ANTXR2: variants seen among roughly 807,000 people sequenced by gnomAD.
ANTXR2 encodes the protein anthrax toxin receptor 2.
In ANTXR2, 44 loss-of-function variants were observed where a neutral mutation model predicts 73.7. That is an observed-to-expected ratio of 0.60 (90% confidence interval 0.47 to 0.77). ANTXR2 has a LOEUF of 0.77. Ranked by LOEUF, ANTXR2 falls within the 30% of genes least tolerant of loss-of-function variation. The pLI is 0.00. For synonymous variants in ANTXR2, 217 were observed against 205.9 expected, an observed-to-expected ratio of 1.05 and a Z score of -0.46; for missense variants, 604 against 592.5, an observed-to-expected ratio of 1.02 and a Z score of -0.20.
chr4:79,915,674 G>C (rs1727313465), intron 16 of ANTXR2, among the ~76,000 whole-genome samples: 1 of 151,834 alleles, frequency 6.6e-6, no homozygotes, highest in South Asian at 2.1e-4. Context: ...CAAATCAAGA[G>C]GTCCAGGAAA....
chr4:80,033,699 T>C (rs1045443620), intron 8 of ANTXR2, 129 bp from the exon 9 acceptor site: 22 of 655,454 alleles, frequency 3.4e-5, no homozygotes, highest in Admixed American at 2.2e-4. Context: ...CTAATAGCAA[T>C]GAAGACATAG....
intron 11 of ANTXR2, among the ~76,000 whole-genome samples, chr4:80,016,216 A>AATTCGGTTT (rs1448639554): frequency 6.6e-6 from 1 of 152,054 alleles, no homozygotes; most frequent in Non-Finnish European, 1.5e-5. Context: ...CTCTAAATTC[A>AATTCGGTTT]ATTCGGTTTC....
At chr4:80,030,126 A>G (rs1388518818) in intron 10 of ANTXR2, among the ~76,000 whole-genome samples, 1 of 152,070 alleles carries the variant, frequency 6.6e-6, no homozygotes, top group Non-Finnish European at 1.5e-5. Flanking sequence ...TGGTAGCAGT[A>G]TAGGTAGAAA....
chr4:80,019,182 C>T (rs1384220196), intron 10 of ANTXR2, among the ~76,000 whole-genome samples: 1 of 152,020 alleles, frequency 6.6e-6, no homozygotes, highest in African/African-American at 2.4e-5. Context: ...GCATGGCCAA[C>T]ATAGTGAAAC....
intron 3 of ANTXR2, among the ~76,000 whole-genome samples, chr4:80,056,821 T>C (rs1257256386): frequency 6.6e-6 from 1 of 151,890 alleles, no homozygotes; most frequent in East Asian, 1.9e-4. Flanking sequence ...TAAGAGCTAT[T>C]TTATGTGTAT....
chr4:79,921,755 G>T (rs66805075), intron 16 of ANTXR2, among the ~76,000 whole-genome samples: 752 of 29,304 alleles, frequency 0.026, no homozygotes, highest in Non-Finnish European at 0.045. Flanking sequence ...TTTGTTTGTT[G>T]GTTGGTTGGT....
intron 12 of ANTXR2, among the ~76,000 whole-genome samples, chr4:79,994,888 T>C (rs910241839): frequency 6.6e-6 from 1 of 151,980 alleles, no homozygotes; most frequent in African/African-American, 2.4e-5. Flanking sequence ...TTCTCATTGT[T>C]AAAATGCCTC....
rs1223580730 is a variant in ANTXR2, at chr4:79,984,730, T to C, written c.1086+89A>G. 6 of 1,120,682 alleles carry C rather than the reference T, an allele frequency of 5.4e-6. No individual in the cohort carries two copies. The South Asian group carries it at 6.7e-5, about 12-fold the overall frequency. The allele number at this position is 1,120,682 out of a possible 1,614,324, so 69.4% of individuals were successfully genotyped here. ...AGTCAGTACATAGGTATCATAGTTA[T>C]CTAACAGACAAAATTGATTAAATTT... On this transcript the variant is annotated intron_variant, in intron 13 of 16. Coordinates refer to ENST00000403729, the MANE Select transcript of ANTXR2 (RefSeq NM_058172.6).
At chr4:79,926,953 A>G (rs1727821716) in intron 16 of ANTXR2, among the ~76,000 whole-genome samples, 1 of 20,322 alleles carries the variant, frequency 4.9e-5, no homozygotes, top group Non-Finnish European at 1.1e-4. Flanking sequence ...GTGTATATAT[A>G]CGTGTGCATA....
chr4:79,963,322 T>C (rs984655392), intron 16 of ANTXR2, among the ~76,000 whole-genome samples: 1 of 152,112 alleles, frequency 6.6e-6, no homozygotes, highest in African/African-American at 2.4e-5. Flanking sequence ...GATTCTCGGG[T>C]CCCTTTTAAA....
chr4:79,990,963 A>C (rs1730440081), intron 12 of ANTXR2, among the ~76,000 whole-genome samples: 1 of 152,054 alleles, frequency 6.6e-6, no homozygotes, highest in Non-Finnish European at 1.5e-5. Context: ...ACCAGCTCAA[A>C]ATGAATTAAA....
At chr4:80,026,611 T>C (rs1207595559) in intron 10 of ANTXR2, among the ~76,000 whole-genome samples, 1 of 152,110 alleles carries the variant, frequency 6.6e-6, no homozygotes, top group Non-Finnish European at 1.5e-5. Context: ...CTAAATAATT[T>C]AGTAGAATTA....
chr4:79,943,492 A>G (rs1728391242), intron 16 of ANTXR2, among the ~76,000 whole-genome samples: 1 of 53,426 alleles, frequency 1.9e-5, no homozygotes, highest in African/African-American at 7.6e-5. Context: ...AGAACAAAAA[A>G]CCAAACACCG....
chr4:79,992,890 A>G lies in ANTXR2; in HGVS notation c.1042-8027T>C, dbSNP rs142342513. 2.6e-5 allele frequency among the ~76,000 whole-genome samples: 4 copies of G among 152,118 alleles called. No homozygotes were observed. In the East Asian group the frequency reaches 7.7e-4, roughly 29 times the overall value. On this transcript the variant is annotated intron_variant, in intron 12 of 16. Transcript: ENST00000403729. ...ATCTGTAATCTCTTTTCTCACTTCA[A>G]ATGACTTTACCAAATCATTTCCATG...
intron 3 of ANTXR2, among the ~76,000 whole-genome samples, chr4:80,057,124 T>C (rs529086323): frequency 6.6e-6 from 1 of 151,982 alleles, no homozygotes; most frequent in South Asian, 2.1e-4. Flanking sequence ...CCTTTTTAAA[T>C]GTAAAATTCT....
At chr4:80,060,123 C>G (rs1170492951) in intron 3 of ANTXR2, among the ~76,000 whole-genome samples, 1 of 152,090 alleles carries the variant, frequency 6.6e-6, no homozygotes, top group Non-Finnish European at 1.5e-5. Context: ...ATGTGAACAC[C>G]GTGATTCTAC....
chr4:79,924,607 C>G lies in ANTXR2; in HGVS notation c.1429-17140G>C, dbSNP rs143957367. On this transcript the variant is annotated intron_variant, in intron 16 of 16. Transcript: ENST00000403729. ...TCTCTAATGCATTATCAGAGTTGTT[C>G]TTCTTTTGGCAAGAGATTATTATAA... is the stretch of plus-strand genomic sequence containing the variant. Among the ~76,000 whole-genome samples, 317 of 152,134 alleles carry G rather than the reference C, an allele frequency of 2.1e-3. 3 individuals carry two copies. In the South Asian group the frequency reaches 0.026, roughly 13 times the overall value.
chr4:79,981,394 T>G (rs1729884269), intron 14 of ANTXR2, among the ~76,000 whole-genome samples: 1 of 152,156 alleles, frequency 6.6e-6, no homozygotes, highest in Non-Finnish European at 1.5e-5. Context: ...TTTTAAAACA[T>G]TGTATATTTT....
chr4:80,018,985 G>T lies in ANTXR2; in HGVS notation c.867-9C>A. 2 of 1,456,412 alleles carry T rather than the reference G, an allele frequency of 1.4e-6. No individual in the cohort carries two copies. Among genetic ancestry groups the T allele is most frequent in the South Asian group, 1.4e-5 (1 of 69,040 alleles). The allele number at this position is 1,456,412 out of a possible 1,614,324, so 90.2% of individuals were successfully genotyped here. A position where few individuals can be genotyped will look rare whatever the true frequency, so the allele number is the denominator to read the frequency against. ...CTGAAACATCAAGAGTTCTGAAAAAGAAAAGAAACAATAATTTTATATACA... is the reference window on the plus strand; with the variant it reads ...CTGAAACATCAAGAGTTCTGAAAAATAAAAGAAACAATAATTTTATATACA... On this transcript the variant is annotated splice_polypyrimidine_tract_variant and intron_variant, in intron 10 of 16. Transcript: ENST00000403729.
Sources: allele counts gnomAD v4.1 joint callset (sites outside exome capture counted in the v4.1 genomes callset), GRCh38; gene constraint gnomAD v4.1.1; transcripts MANE v1.5; gene names NCBI Gene and HGNC (gene_info 2026-07-23, HGNC 2026-07-21).